Variants in CENPW observed in about 807,000 individuals in gnomAD.
CENPW encodes cancer-up-regulated gene 2 protein.
Under a neutral mutation model 11.1 loss-of-function variants are expected in CENPW, and 3 were observed. The ratio of observed to expected loss-of-function variants is 0.27; its 90% CI spans 0.12 to 0.70. The LOEUF is 0.70. Among genes scored for constraint, CENPW ranks in the 30% least tolerant of loss-of-function variants. The pLI, the probability that CENPW is intolerant of heterozygous loss-of-function variation, is 0.77. For synonymous variants in CENPW, 38 were observed against 42.0 expected (o/e 0.91, Z 0.37); for missense variants, 100 against 105.6 (o/e 0.95, Z 0.23).
the CENPW span, among the ~76,000 whole-genome samples, chr6:126,373,667 C>G: frequency 3.3e-5 from 5 of 152,212 alleles, no homozygotes; most frequent in Non-Finnish European, 7.3e-5. Context: ...CAAGTGGACT[C>G]AGTCTCCCAG....
At chr6:126,370,822 G>A in the CENPW span, among the ~76,000 whole-genome samples, 23 of 151,088 alleles carry the variant, frequency 1.5e-4, no homozygotes, top group African/African-American at 4.4e-4. Flanking sequence ...GCGTGATCTC[G>A]GCTCACTACA....
chr6:126,394,613 C>T, the CENPW span, among the ~76,000 whole-genome samples: 1 of 151,998 alleles, frequency 6.6e-6, no homozygotes, highest in East Asian at 1.9e-4. Context: ...CTGTGTACTT[C>T]CTATTACCAG....
chr6:126,367,659 CA>C, the CENPW span, among the ~76,000 whole-genome samples: 1 of 152,086 alleles, frequency 6.6e-6, no homozygotes. Context: ...GATTTAGAAT[CA>C]TTGTAGGGAC....
At chr6:126,368,679 C>G in the CENPW span, among the ~76,000 whole-genome samples, 469 of 151,674 alleles carry the variant, frequency 3.1e-3, 2 homozygotes, top group Non-Finnish European at 4.0e-3. Context: ...GAGTCTCACT[C>G]TGTTGCCCAG....
chr6:126,425,729 A>C, the CENPW span, among the ~76,000 whole-genome samples: 3 of 151,862 alleles, frequency 2.0e-5, no homozygotes, highest in Non-Finnish European at 4.4e-5. Flanking sequence ...TAGCCACCAA[A>C]TATGCATCAT....
the CENPW span, among the ~76,000 whole-genome samples, chr6:126,434,960 T>G: frequency 6.6e-6 from 1 of 151,982 alleles, no homozygotes; most frequent in Non-Finnish European, 1.5e-5. Flanking sequence ...TGCCATTTCT[T>G]CCTTGTCTGT....
chr6:126,410,779 C>T, the CENPW span, among the ~76,000 whole-genome samples: 1 of 151,684 alleles, frequency 6.6e-6, no homozygotes, highest in South Asian at 2.1e-4. Flanking sequence ...TTGGGGCTTT[C>T]ACTTGTATTT....
the CENPW span, among the ~76,000 whole-genome samples, chr6:126,373,005 T>A: frequency 1.3e-5 from 2 of 152,220 alleles, no homozygotes; most frequent in Admixed American, 1.3e-4. Context: ...CTAAGCGAAA[T>A]CTCAAAGTAA....
At chr6:126,432,364 C>A in the CENPW span, among the ~76,000 whole-genome samples, 1 of 152,174 alleles carries the variant, frequency 6.6e-6, no homozygotes, top group South Asian at 2.1e-4. Context: ...ATCCTGTACC[C>A]TACAATGCTG....
chr6:126,479,075 C>T, the CENPW span, among the ~76,000 whole-genome samples: 1 of 152,042 alleles, frequency 6.6e-6, no homozygotes, highest in African/African-American at 2.4e-5. Context: ...GAGCAATCCT[C>T]CTTCGGTTTA....
At chr6:126,439,921 T>C in the CENPW span, among the ~76,000 whole-genome samples, 7 of 151,864 alleles carry the variant, frequency 4.6e-5, no homozygotes, top group African/African-American at 1.7e-4. Flanking sequence ...TTCCACACTT[T>C]CCTATTCTTC....
chr6:126,391,679 T>C, the CENPW span, among the ~76,000 whole-genome samples: 1 of 152,044 alleles, frequency 6.6e-6, no homozygotes, highest in African/African-American at 2.4e-5. Flanking sequence ...AGTTTCATTC[T>C]TCTGCATAGG....
the CENPW span, among the ~76,000 whole-genome samples, chr6:126,421,123 GT>G: frequency 6.6e-6 from 1 of 151,962 alleles, no homozygotes; most frequent in African/African-American, 2.4e-5. Flanking sequence ...TGTTACTCTT[GT>G]TTTGTATAAA....
chr6:126,375,771 T>G, the CENPW span, among the ~76,000 whole-genome samples: 75 of 152,276 alleles, frequency 4.9e-4, 1 homozygote, highest in East Asian at 0.014. Flanking sequence ...TTTCTCTCAC[T>G]CTTCGTTACT....
the CENPW span, among the ~76,000 whole-genome samples, chr6:126,446,021 A>T: frequency 6.6e-6 from 1 of 151,148 alleles, no homozygotes; most frequent in Non-Finnish European, 1.5e-5. Context: ...ATAAAAAAAA[A>T]TTCCAAAACT....
At chr6:126,361,364 G>A in the CENPW span, among the ~76,000 whole-genome samples, 1 of 151,904 alleles carries the variant, frequency 6.6e-6, no homozygotes, top group Non-Finnish European at 1.5e-5. Flanking sequence ...CAGTGGCGCA[G>A]TCCCGGCTCA....
At chr6:126,454,300 A>C in the CENPW span, among the ~76,000 whole-genome samples, 19 of 151,412 alleles carry the variant, frequency 1.3e-4, no homozygotes, top group African/African-American at 4.4e-4. Context: ...CACATACTCT[A>C]AAATTGACAC....
the CENPW span, among the ~76,000 whole-genome samples, chr6:126,358,755 T>C: frequency 6.6e-6 from 1 of 152,092 alleles, no homozygotes; most frequent in African/African-American, 2.4e-5. Flanking sequence ...TTCTCCTTGA[T>C]TTTTTTGGAG....
the CENPW span, among the ~76,000 whole-genome samples, chr6:126,439,784 A>T: frequency 1.3e-5 from 2 of 151,546 alleles, no homozygotes; most frequent in African/African-American, 4.8e-5. Context: ...CCATTTCCAA[A>T]TTCTATAGCC....
Sources: allele counts gnomAD v4.1 joint callset (sites outside exome capture counted in the v4.1 genomes callset), GRCh38; gene constraint gnomAD v4.1.1; transcripts MANE v1.5; gene names NCBI Gene and HGNC (gene_info 2026-07-23, HGNC 2026-07-21).